The following SLC27A6 variants were observed in gnomAD, a reference collection of about 807,000 sequenced individuals.
SLC27A6 encodes the protein solute carrier family 27 member 6, also known as long-chain fatty acid transport protein 6.
A neutral mutation model predicts 63.9 loss-of-function variants in SLC27A6; 74 were observed. The ratio of observed to expected loss-of-function variants is 1.16; its 90% CI spans 0.96 to 1.40. SLC27A6 has a LOEUF of 1.40. Ranked by LOEUF, SLC27A6 falls within the 40% of genes most tolerant of loss-of-function variation. SLC27A6 has a pLI of 0.00. For synonymous variants in SLC27A6, 287 were observed against 260.8 expected, an observed-to-expected ratio of 1.10 and a Z score of -0.97; for missense variants, 794 against 732.9, an observed-to-expected ratio of 1.08 and a Z score of -0.96.
At chr5:129,032,082 T>A (rs936718983) in intron 9 of SLC27A6, among the ~76,000 whole-genome samples, 3 of 152,010 alleles carry the variant, frequency 2.0e-5, no homozygotes, top group Non-Finnish European at 4.4e-5. Context: ...AGGGATACAC[T>A]CTTATCTCCT....
At position 129,029,630 on chromosome 5, in the gene SLC27A6, T is replaced by G. The variant is rs142950104; in HGVS notation, c.1606T>G (p.Leu536Val). 2.6e-5 allele frequency: 41 copies of G among 1,599,364 alleles called. No homozygotes were observed. Among genetic ancestry groups the G allele is most frequent in the Non-Finnish European group, 3.4e-5 (40 of 1,172,534 alleles). The change falls in exon 9 of 10, where the codon TTA (leucine) becomes GTA (valine). Residue 536 changes from leucine to valine, a missense_variant. Coordinates refer to ENST00000262462, the MANE Select transcript of SLC27A6 (RefSeq NM_001017372.3). ...ASIILKPNTS[L>V]DLEKVYEQVV... ...TATTATTTTAAAACCAAATACATCTTTAGATTTGGAAAAAGTTTATGAACA... is the reference window on the plus strand; with the variant it reads ...TATTATTTTAAAACCAAATACATCTGTAGATTTGGAAAAAGTTTATGAACA...
At chr5:128,997,581 A>G (rs1252232517) in intron 4 of SLC27A6, among the ~76,000 whole-genome samples, 1 of 152,202 alleles carries the variant, frequency 6.6e-6, no homozygotes, top group African/African-American at 2.4e-5. Flanking sequence ...TATATATTAA[A>G]GGCTTTTTAT....
intron 1 of SLC27A6, among the ~76,000 whole-genome samples, chr5:128,973,270 A>T (rs2526251): frequency 3.9e-5 from 6 of 152,008 alleles, no homozygotes; most frequent in Admixed American, 6.5e-5. Flanking sequence ...TCAGATTTCA[A>T]ACTCCCTGCT....
At chr5:128,972,748 G>A (rs1750224985) in intron 1 of SLC27A6, among the ~76,000 whole-genome samples, 1 of 152,056 alleles carries the variant, frequency 6.6e-6, no homozygotes, top group Non-Finnish European at 1.5e-5. Flanking sequence ...GTTATTACCG[G>A]TCTTCTGAAG....
chr5:129,020,159 T>C (rs867428288), intron 5 of SLC27A6, among the ~76,000 whole-genome samples: 1 of 152,116 alleles, frequency 6.6e-6, no homozygotes, highest in African/African-American at 2.4e-5. Flanking sequence ...AAGGAAAGAA[T>C]TGGCTTCACT....
intron 1 of SLC27A6, among the ~76,000 whole-genome samples, chr5:128,971,842 A>G (rs1750177488): frequency 6.6e-6 from 1 of 152,134 alleles, no homozygotes; most frequent in Non-Finnish European, 1.5e-5. Flanking sequence ...TAGTTGATGC[A>G]GTTTCTTTCT....
intron 4 of SLC27A6, among the ~76,000 whole-genome samples, chr5:129,009,070 T>G (rs1751640104): frequency 6.6e-6 from 1 of 152,112 alleles, no homozygotes; most frequent in Admixed American, 6.5e-5. Flanking sequence ...TTTCTCCATA[T>G]TGGCCAGGCT....
Position 128,967,122 on chromosome 5 carries a change from G to A in SLC27A6, c.481+504G>A, listed in dbSNP as rs1268320794. Among the ~76,000 whole-genome samples the A allele has an allele frequency of 4.6e-5, 7 of 152,176 alleles. No individual in the cohort carries two copies. The East Asian group carries it at 7.7e-4, about 17-fold the overall frequency. On this transcript the variant is annotated intron_variant, in intron 1 of 9. Transcript: ENST00000262462. ...GCTAGGACTTGCCTAGCAAGGTTGC[G>A]CTCCCACCTGTGAGCCAGAACGTGG...
chr5:128,988,210 C>A (rs51666), intron 2 of SLC27A6, among the ~76,000 whole-genome samples: 148,484 of 152,254 alleles, frequency 0.98, 72,428 homozygotes, highest in East Asian at 1. Context: ...GTATAGGTGG[C>A]AAAAAAAGAC....
chr5:128,969,889 T>C (rs917353419), intron 1 of SLC27A6, among the ~76,000 whole-genome samples: 1 of 152,236 alleles, frequency 6.6e-6, no homozygotes, highest in Admixed American at 6.5e-5. Flanking sequence ...AGTATGATAT[T>C]GGCTATGGAT....
intron 4 of SLC27A6, among the ~76,000 whole-genome samples, chr5:129,010,780 CAAGAACCTG>C (rs1377532380): frequency 2.0e-5 from 3 of 152,042 alleles, no homozygotes; most frequent in Admixed American, 6.6e-5. Context: ...TTGATTCTGT[CAAGAACCTG>C]CATGAGCTTG....
intron 9 of SLC27A6, 78 bp downstream of exon 9, chr5:129,029,785 A>G: frequency 7.8e-7 from 1 of 1,283,760 alleles, no homozygotes; most frequent in South Asian, 1.3e-5. Flanking sequence ...ATAATATTGT[A>G]TCCTTTAGAT....
chr5:128,972,840 G>A (rs1750230813), intron 1 of SLC27A6, among the ~76,000 whole-genome samples: 2 of 152,180 alleles, frequency 1.3e-5, no homozygotes, highest in Admixed American at 1.3e-4. Flanking sequence ...CTTTGAAGGA[G>A]AAGAGGCACT....
At chr5:128,990,567 G>A in intron 4 of SLC27A6, 103 bp downstream of exon 4, 1 of 1,224,234 alleles carries the variant, frequency 8.2e-7, no homozygotes, top group African/African-American at 1.5e-5. Flanking sequence ...TTTGTTACTG[G>A]CGGGTCTTTG....
At chr5:128,999,869 A>C (rs982536263) in intron 4 of SLC27A6, among the ~76,000 whole-genome samples, 1 of 152,182 alleles carries the variant, frequency 6.6e-6, no homozygotes, top group Admixed American at 6.5e-5. Context: ...CTGATGTTAT[A>C]CATGCATCAA....
chr5:128,989,230 A>G (rs1026039620), intron 3 of SLC27A6, among the ~76,000 whole-genome samples: 8 of 152,226 alleles, frequency 5.3e-5, no homozygotes, highest in Non-Finnish European at 7.3e-5. Context: ...TGAAGGGAGA[A>G]GGAGCAAATT....
chr5:129,013,923 C>A (rs1334043874), intron 4 of SLC27A6, among the ~76,000 whole-genome samples: 2 of 152,142 alleles, frequency 1.3e-5, no homozygotes, highest in East Asian at 1.9e-4. Flanking sequence ...CCTGATGGCA[C>A]ATGGCTGGGA....
chr5:129,006,767 T>A (rs186538095), intron 4 of SLC27A6, among the ~76,000 whole-genome samples: 116 of 152,304 alleles, frequency 7.6e-4, no homozygotes, highest in African/African-American at 2.5e-3. Context: ...CATGTTTAGA[T>A]TCTTAGTTAC....
In SLC27A6 at chr5:129,030,291, A is replaced by G. The variant is rs564828870; in HGVS notation, c.1683+584A>G. Among the ~76,000 whole-genome samples the G allele has an allele frequency of 2.6e-5, 4 of 152,102 alleles. No individual in the cohort carries two copies. The South Asian group carries it at 8.3e-4, about 32-fold the overall frequency. ...CCTTAACTACTGGGTAACTTTACTT[A>G]CTCATTTATTCAACCATTCATGTAT... On this transcript the variant is annotated intron_variant, in intron 9 of 9. Transcript: ENST00000262462.
Sources: gnomAD v4.1 joint callset for allele counts (sites outside exome capture counted in the v4.1 genomes callset) on GRCh38, gnomAD v4.1.1 for gene constraint, MANE v1.5 for transcripts, NCBI Gene and HGNC (gene_info 2026-07-23, HGNC 2026-07-21) for gene names.